The following CHL1 variants were observed in gnomAD, a reference collection of about 807,000 sequenced individuals.
CHL1 encodes the protein neural cell adhesion molecule L1-like protein.
Under a neutral mutation model 141.9 loss-of-function variants are expected in CHL1, and 96 were observed. The ratio of observed to expected loss-of-function variants is 0.68; its 90% CI spans 0.57 to 0.80. The LOEUF (loss-of-function observed/expected upper bound fraction) is 0.80. CHL1 is among the 30% of genes least tolerant of loss of function. CHL1 has a pLI of 0.00. For missense variants in CHL1, 1,820 were observed against 1,457.2 expected, an observed-to-expected ratio of 1.25 and a Z score of -4.05; for synonymous variants, 613 against 502.2, an observed-to-expected ratio of 1.22 and a Z score of -2.95.
intron 3 of CHL1, among the ~76,000 whole-genome samples, chr3:323,175 A>T (rs766238089): frequency 1.3e-5 from 2 of 152,042 alleles, no homozygotes; most frequent in Admixed American, 6.6e-5. Context: ...TTTTCCTGAA[A>T]GTGAACCAAG....
intron 1 of CHL1, among the ~76,000 whole-genome samples, chr3:230,054 G>A (rs145771912): frequency 2.9e-3 from 446 of 152,202 alleles, no homozygotes; most frequent in Non-Finnish European, 4.5e-3. Context: ...TACAAAGTGG[G>A]TACTTAAAAT....
At chr3:228,741 A>T (rs1475329372) in intron 1 of CHL1, among the ~76,000 whole-genome samples, 2 of 152,198 alleles carry the variant, frequency 1.3e-5, no homozygotes, top group Admixed American at 6.5e-5. Context: ...GGAGATAAGT[A>T]AGGTGGCATC....
At chr3:244,353 TC>T (rs1692957066) in intron 1 of CHL1, among the ~76,000 whole-genome samples, 1 of 152,288 alleles carries the variant, frequency 6.6e-6, no homozygotes, top group South Asian at 2.1e-4. Context: ...GATAATGTTT[TC>T]AATGAGAAGT....
intron 1 of CHL1, chr3:197,811 G>T (rs1446844895): frequency 2.2e-6 from 1 of 456,556 alleles, no homozygotes; most frequent in Non-Finnish European, 4.4e-6. Context: ...GAGCCCGGGG[G>T]GCTGGAGATG....
In CHL1 at chr3:199,016, G is replaced by C. The variant is rs149671864; in HGVS notation, c.-175+1953G>C. 6.8e-3 allele frequency among the ~76,000 whole-genome samples: 1,035 copies of C among 152,284 alleles called. 13 individuals are homozygous for C. The highest frequency in any genetic ancestry group is 0.024 in the African/African-American group (1,000 of 41,566). ...CAGAGTTTTTCTTTTGTAAATCTTT[G>C]TGTTTTCTCTTTCACCTGCAGATGT... is the stretch of plus-strand genomic sequence containing the variant. On this transcript the variant is annotated intron_variant, in intron 1 of 27. Coordinates refer to ENST00000256509, the MANE Select transcript of CHL1 (RefSeq NM_006614.4).
intron 1 of CHL1, among the ~76,000 whole-genome samples, chr3:235,856 T>G (rs1691919524): frequency 6.6e-6 from 1 of 152,166 alleles, no homozygotes; most frequent in East Asian, 1.9e-4. Context: ...TTGACAGTAG[T>G]GAGAAAACAA....
intron 1 of CHL1, among the ~76,000 whole-genome samples, chr3:216,304 A>T (rs2124941553): frequency 6.6e-6 from 1 of 152,302 alleles, no homozygotes; most frequent in East Asian, 1.9e-4. Flanking sequence ...AATTCTAAAT[A>T]TTATAGTTTT....
chr3:309,625 T>C (rs982816650), intron 2 of CHL1, among the ~76,000 whole-genome samples: 3 of 151,908 alleles, frequency 2.0e-5, no homozygotes, highest in South Asian at 2.1e-4. Context: ...TCCTCCAACC[T>C]TGGCCTCCTG....
intron 27 of CHL1, among the ~76,000 whole-genome samples, chr3:405,267 G>GA: frequency 6.6e-6 from 1 of 152,250 alleles, no homozygotes; most frequent in Non-Finnish European, 1.5e-5. Flanking sequence ...TGTGAATAAT[G>GA]AAAAATTGTT....
chr3:305,671 C>T (rs1222099852), intron 2 of CHL1, among the ~76,000 whole-genome samples: 2 of 150,642 alleles, frequency 1.3e-5, no homozygotes, highest in Admixed American at 6.6e-5. Context: ...AGATATAAGG[C>T]ATACTATACA....
At chr3:202,650 G>A (rs1427355157) in intron 1 of CHL1, among the ~76,000 whole-genome samples, 3 of 152,098 alleles carry the variant, frequency 2.0e-5, no homozygotes, top group African/African-American at 4.8e-5. Context: ...ATTTGCGTAC[G>A]CCGTCCACAA....
chr3:197,979 C>T, intron 1 of CHL1: 1 of 365,852 alleles, frequency 2.7e-6, no homozygotes, highest in Non-Finnish European at 5.5e-6. Flanking sequence ...AAGCCAGCCC[C>T]TCCGTTCCCA....
At chr3:378,660 G>T (rs1296702546) in intron 16 of CHL1, among the ~76,000 whole-genome samples, 1 of 152,104 alleles carries the variant, frequency 6.6e-6, no homozygotes, top group Non-Finnish European at 1.5e-5. Context: ...GCTATTATTT[G>T]GTTCAGCAAG....
intron 9 of CHL1, among the ~76,000 whole-genome samples, chr3:345,354 C>T (rs1702676421): frequency 6.6e-6 from 1 of 152,118 alleles, no homozygotes; most frequent in African/African-American, 2.4e-5. Flanking sequence ...GCCCTTTGCA[C>T]ACATGGAGGT....
chr3:348,630 C>T (rs1702968183), intron 9 of CHL1, among the ~76,000 whole-genome samples: 1 of 152,166 alleles, frequency 6.6e-6, no homozygotes, highest in Non-Finnish European at 1.5e-5. Flanking sequence ...TGGTGTGTAA[C>T]AAGTTATCAT....
intron 1 of CHL1, among the ~76,000 whole-genome samples, chr3:242,827 A>T (rs1025532661): frequency 2.0e-5 from 3 of 152,134 alleles, no homozygotes; most frequent in East Asian, 3.9e-4. Flanking sequence ...GAGCATACAA[A>T]TAAGTTTGAT....
At chr3:209,229 A>G (rs6790586) in intron 1 of CHL1, among the ~76,000 whole-genome samples, 45,764 of 152,194 alleles carry the variant, frequency 0.3, 8,537 homozygotes, top group East Asian at 0.51. Flanking sequence ...CCATTCTAAT[A>G]TGCATAATTA....
At chr3:293,942 T>C (rs1697947492) in intron 2 of CHL1, among the ~76,000 whole-genome samples, 1 of 151,958 alleles carries the variant, frequency 6.6e-6, no homozygotes, top group Non-Finnish European at 1.5e-5. Context: ...TTGAATTTTT[T>C]TGTAGAGACA....
intron 1 of CHL1, among the ~76,000 whole-genome samples, chr3:212,051 T>A (rs1699944069): frequency 6.6e-6 from 1 of 152,138 alleles, no homozygotes; most frequent in Admixed American, 6.5e-5. Context: ...TCTGGACAAG[T>A]TTTATTTTTA....
Sources: gnomAD v4.1 joint callset for allele counts (sites outside exome capture counted in the v4.1 genomes callset) on GRCh38, gnomAD v4.1.1 for gene constraint, MANE v1.5 for transcripts, NCBI Gene and HGNC (gene_info 2026-07-23, HGNC 2026-07-21) for gene names.